The following SKIC3 variants were observed in gnomAD, a reference collection of about 807,000 sequenced individuals.
SKIC3 encodes superkiller complex protein 3.
the SKIC3 span, chr5:95,548,540 C>G: frequency 1.3e-5 from 2 of 151,950 alleles, no homozygotes; most frequent in African/African-American, 4.8e-5. Flanking sequence ...TTCATATGTT[C>G]TTGCTTTAGA....
At chr5:95,548,973 C>T in the SKIC3 span, among the ~76,000 whole-genome samples, 1 of 151,908 alleles carries the variant, frequency 6.6e-6, no homozygotes, top group Non-Finnish European at 1.5e-5. Flanking sequence ...ACATGCAGCC[C>T]CCAAGCTATT....
chr5:95,531,909 C>T, the SKIC3 span, among the ~76,000 whole-genome samples: 9 of 152,186 alleles, frequency 5.9e-5, no homozygotes, highest in African/African-American at 9.6e-5. Context: ...AATCTTGTGA[C>T]GATCCTTTAA....
chr5:95,540,201 A>G, the SKIC3 span, among the ~76,000 whole-genome samples: 8 of 152,210 alleles, frequency 5.3e-5, no homozygotes, highest in Non-Finnish European at 1.2e-4. Context: ...TAAACCAAAC[A>G]TCGTATGTTC....
chr5:95,528,836 C>T, the SKIC3 span: 5 of 649,630 alleles, frequency 7.7e-6, no homozygotes, highest in East Asian at 5.6e-5. Context: ...CACACTAGTA[C>T]ACATGCATGC....
At chr5:95,509,328 G>A in the SKIC3 span, among the ~76,000 whole-genome samples, 1 of 152,056 alleles carries the variant, frequency 6.6e-6, no homozygotes, top group Non-Finnish European at 1.5e-5. Context: ...AGGGTGAGGG[G>A]AATGGATTTA....
chr5:95,527,413 G>T, the SKIC3 span, among the ~76,000 whole-genome samples: 7 of 152,108 alleles, frequency 4.6e-5, no homozygotes, highest in Non-Finnish European at 7.4e-5. Flanking sequence ...GAAATACAAA[G>T]CCCTTTGAAA....
the SKIC3 span, among the ~76,000 whole-genome samples, chr5:95,487,882 A>G: frequency 6.6e-6 from 1 of 152,192 alleles, no homozygotes; most frequent in Admixed American, 6.5e-5. Flanking sequence ...CAAAATATTG[A>G]TAATAAAGCA....
At chr5:95,525,944 AT>A in the SKIC3 span, among the ~76,000 whole-genome samples, 1 of 152,008 alleles carries the variant, frequency 6.6e-6, no homozygotes, top group Non-Finnish European at 1.5e-5. Context: ...ACAAGCAATC[AT>A]TTTTTTCATC....
chr5:95,470,220 C>T, the SKIC3 span, among the ~76,000 whole-genome samples: 13 of 152,140 alleles, frequency 8.5e-5, no homozygotes, highest in South Asian at 6.2e-4. Context: ...CCTCGTGATC[C>T]GCCCACCTCG....
the SKIC3 span, among the ~76,000 whole-genome samples, chr5:95,480,456 T>C: frequency 6.6e-6 from 1 of 152,202 alleles, no homozygotes; most frequent in Non-Finnish European, 1.5e-5. Flanking sequence ...GAAAAGTTGT[T>C]TGATGTCATT....
At chr5:95,487,802 A>C in the SKIC3 span, among the ~76,000 whole-genome samples, 1 of 152,202 alleles carries the variant, frequency 6.6e-6, no homozygotes, top group Non-Finnish European at 1.5e-5. Flanking sequence ...ACACTTCCAA[A>C]GGAACATAAT....
the SKIC3 span, among the ~76,000 whole-genome samples, chr5:95,475,489 C>T: frequency 6.6e-6 from 1 of 152,242 alleles, no homozygotes; most frequent in African/African-American, 2.4e-5. Flanking sequence ...CCTTTGCCTT[C>T]CACCATGATT....
chr5:95,514,920 C>A, the SKIC3 span: 5 of 1,611,952 alleles, frequency 3.1e-6, no homozygotes, highest in African/African-American at 6.7e-5. Flanking sequence ...GCCTCATGAG[C>A]TTGCTAGGAA....
the SKIC3 span, chr5:95,537,190 T>C: frequency 8.2e-6 from 12 of 1,468,270 alleles, no homozygotes; most frequent in Non-Finnish European, 1.1e-5. Context: ...AAATGACAAA[T>C]GATTAAATGT....
chr5:95,525,438 T>C, the SKIC3 span: 1 of 1,613,954 alleles, frequency 6.2e-7, no homozygotes, highest in South Asian at 1.1e-5. Context: ...GTGAAATGAA[T>C]CAAAGCCTCA....
chr5:95,552,851 G>T, the SKIC3 span, among the ~76,000 whole-genome samples: 4 of 151,938 alleles, frequency 2.6e-5, no homozygotes, highest in Non-Finnish European at 5.9e-5. Flanking sequence ...AGAAACTGGG[G>T]ACTAGGAAAA....
chr5:95,464,292 A>C, the SKIC3 span: 1 of 248,210 alleles, frequency 4.0e-6, no homozygotes. Context: ...AAGGGATTAC[A>C]GTAAAAGATA....
At chr5:95,536,679 C>A in the SKIC3 span, 1 of 753,028 alleles carries the variant, frequency 1.3e-6, no homozygotes, top group South Asian at 1.5e-5. Flanking sequence ...AAAGACTACA[C>A]ATTATACTTC....
chr5:95,538,546 G>A, the SKIC3 span, among the ~76,000 whole-genome samples: 1 of 151,972 alleles, frequency 6.6e-6, no homozygotes, highest in Non-Finnish European at 1.5e-5. Context: ...GTCTATATTT[G>A]TTTATTTAAA....
Sources: gnomAD v4.1 joint callset for allele counts (sites outside exome capture counted in the v4.1 genomes callset) on GRCh38, gnomAD v4.1.1 for gene constraint, MANE v1.5 for transcripts, NCBI Gene and HGNC (gene_info 2026-07-23, HGNC 2026-07-21) for gene names.